Variants in SLC26A8 observed in about 807,000 individuals in gnomAD.
SLC26A8 encodes solute carrier family 26 member 8.
A neutral mutation model predicts 105.0 loss-of-function variants in SLC26A8; 70 were observed. That is an observed-to-expected ratio of 0.67 (90% CI 0.55 to 0.81). SLC26A8 has a LOEUF of 0.81. Ranked by LOEUF, SLC26A8 falls within the 40% of genes least tolerant of loss-of-function variation. The probability of loss-of-function intolerance (pLI) is 0.00; values close to 1 mark genes in which losing one functional copy is unlikely to be tolerated. For synonymous variants in SLC26A8, 415 were observed against 438.3 expected, an observed-to-expected ratio of 0.95 and a Z score of 0.66; for missense variants, 998 against 1,181.8, an observed-to-expected ratio of 0.84 and a Z score of 2.28.
At chr6:35,953,639 T>G (rs1037484003) in intron 17 of SLC26A8, among the ~76,000 whole-genome samples, 5 of 152,078 alleles carry the variant, frequency 3.3e-5, no homozygotes, top group African/African-American at 1.2e-4. Context: ...AACAACAGAT[T>G]TTCAAAGTAT....
At chr6:35,999,052 G>A (rs557234549) in intron 4 of SLC26A8, among the ~76,000 whole-genome samples, 3 of 152,022 alleles carry the variant, frequency 2.0e-5, no homozygotes, top group Non-Finnish European at 4.4e-5. Context: ...CCGCCACCAC[G>A]CCTAACTAAT....
intron 14 of SLC26A8, 122 bp from the exon 15 acceptor site, chr6:35,959,928 A>G (rs981035421): frequency 1.2e-6 from 1 of 808,376 alleles, no homozygotes; most frequent in East Asian, 3.1e-5. Flanking sequence ...ATTTTTTTTG[A>G]GACAGAGTCT....
chr6:36,005,556 T>C (rs559553549), intron 3 of SLC26A8, among the ~76,000 whole-genome samples: 2 of 152,338 alleles, frequency 1.3e-5, no homozygotes, highest in South Asian at 2.1e-4. Flanking sequence ...GTACTAAGGT[T>C]ATACACTTTT....
intron 19 of SLC26A8, among the ~76,000 whole-genome samples, chr6:35,945,039 AG>A (rs1336419611): frequency 6.6e-6 from 1 of 152,042 alleles, no homozygotes; most frequent in African/African-American, 2.4e-5. Context: ...TAGTAGAGAC[AG>A]GGTTTCACCA....
intron 5 of SLC26A8, among the ~76,000 whole-genome samples, chr6:35,994,577 C>CTTT (rs35718010): frequency 9.1e-5 from 12 of 132,004 alleles, no homozygotes; most frequent in Non-Finnish European, 1.3e-4. Context: ...TGCATCATCT[C>CTTT]TTTTTTTTTT....
At chr6:36,017,484 T>C (rs1034199468) in intron 2 of SLC26A8, among the ~76,000 whole-genome samples, 3 of 151,860 alleles carry the variant, frequency 2.0e-5, no homozygotes, top group Non-Finnish European at 4.4e-5. Context: ...ATACAAAAAT[T>C]AGCTGGGCGT....
chr6:35,994,815 G>A (rs1427878755), intron 5 of SLC26A8, among the ~76,000 whole-genome samples: 1 of 152,130 alleles, frequency 6.6e-6, no homozygotes, highest in African/African-American at 2.4e-5. Flanking sequence ...GACCTCAAGT[G>A]ATCCACCCGC....
Position 35,944,210 on chromosome 6 carries a change from T to C in SLC26A8, c.2603A>G (p.Gln868Arg), listed in dbSNP as rs763660020. ...SELDLELESE[Q>R]EAGLGLDLDL... ...TAGGTCCAGACCCAGCCCAGCCTCT[T>C]GTTCTGATTCCAGCTCCAAATCCAA... Residue 868 changes from glutamine to arginine, a missense_variant, in exon 20 of 20, where the codon CAA becomes CGA. Transcript: ENST00000490799. The C allele has an allele frequency of 6.2e-7, 1 of 1,613,992 alleles. No individual in the cohort carries two copies. The highest frequency in any genetic ancestry group is 8.5e-7 in the Non-Finnish European group (1 of 1,179,922).
At chr6:35,949,850 G>T (rs1401739891) in intron 19 of SLC26A8, among the ~76,000 whole-genome samples, 1 of 151,732 alleles carries the variant, frequency 6.6e-6, no homozygotes, top group African/African-American at 2.4e-5. Flanking sequence ...CCGTCGCCCA[G>T]TCTGGAGTGC....
chr6:35,947,008 C>A (rs1771699855), intron 19 of SLC26A8, among the ~76,000 whole-genome samples: 1 of 151,706 alleles, frequency 6.6e-6, no homozygotes, highest in African/African-American at 2.4e-5. Context: ...CATCTTAAAC[C>A]AGCATCACCA....
intron 14 of SLC26A8, 91 bp downstream of exon 14, chr6:35,960,752 C>A (rs925440879): frequency 3.2e-6 from 4 of 1,249,730 alleles, no homozygotes; most frequent in Non-Finnish European, 4.6e-6. Context: ...GTGCAGGAAA[C>A]AATGGCAAGG....
At chr6:35,968,805 GCA>G (rs1401241541) in intron 11 of SLC26A8, 70 bp downstream of exon 11, 18 of 99,458 alleles carry the variant, frequency 1.8e-4, no homozygotes, top group Non-Finnish European at 2.2e-4. Flanking sequence ...CTTACCCCCC[GCA>G]CACACACACC....
intron 7 of SLC26A8, chr6:35,990,390 C>G (rs1218100328): frequency 4.8e-6 from 1 of 207,744 alleles, no homozygotes; most frequent in Non-Finnish European, 9.5e-6. Context: ...CATATGTTCC[C>G]TTTGTGAATG....
intron 10 of SLC26A8, among the ~76,000 whole-genome samples, chr6:35,975,137 C>T (rs1436264356): frequency 6.6e-6 from 1 of 152,032 alleles, no homozygotes; most frequent in Non-Finnish European, 1.5e-5. Flanking sequence ...GGAAACCTCT[C>T]ACATATTTCT....
chr6:36,022,214 G>T, intron 1 of SLC26A8, among the ~76,000 whole-genome samples: 1 of 146,968 alleles, frequency 6.8e-6, no homozygotes, highest in East Asian at 2.1e-4. Flanking sequence ...TGATCCTCCC[G>T]CCTCGGCCTC....
intron 11 of SLC26A8, among the ~76,000 whole-genome samples, chr6:35,968,148 C>CT (rs1204924884): frequency 2.0e-5 from 3 of 149,074 alleles, no homozygotes; most frequent in Admixed American, 1.3e-4. Flanking sequence ...ATAACTAACG[C>CT]TTTTTTTTCT....
At chr6:35,985,241 C>A (rs1773448504) in intron 7 of SLC26A8, among the ~76,000 whole-genome samples, 1 of 151,880 alleles carries the variant, frequency 6.6e-6, no homozygotes, top group South Asian at 2.1e-4. Context: ...GCAAGCTGTA[C>A]CCTGAACATG....
chr6:35,989,917 G>GTTTT (rs1773687218), intron 7 of SLC26A8: 1 of 63,476 alleles, frequency 1.6e-5, no homozygotes, highest in African/African-American at 5.6e-5. Context: ...TTGTTTGTTT[G>GTTTT]TTTTCTTTTC....
At chr6:36,007,777 T>C (rs748194683) in intron 3 of SLC26A8, among the ~76,000 whole-genome samples, 5 of 152,158 alleles carry the variant, frequency 3.3e-5, no homozygotes, top group African/African-American at 1.2e-4. Context: ...AGATGCCTAT[T>C]TGATCTCTGA....
Sources: allele counts gnomAD v4.1 joint callset (sites outside exome capture counted in the v4.1 genomes callset), GRCh38; gene constraint gnomAD v4.1.1; transcripts MANE v1.5; gene names NCBI Gene and HGNC (gene_info 2026-07-23, HGNC 2026-07-21).